Variants in ZNF880 observed in about 807,000 individuals in gnomAD.
ZNF880 encodes zinc finger protein 880.
In ZNF880, 12 loss-of-function variants were observed where a neutral mutation model predicts 11.8. The observed-to-expected ratio is 1.02, with a 90% confidence interval of 0.65 to 1.65. The LOEUF (loss-of-function observed/expected upper bound fraction) is 1.65. ZNF880 is among the 40% of genes most tolerant of loss of function. ZNF880 has a pLI of 0.00. For synonymous variants in ZNF880, 210 were observed against 232.4 expected, an observed-to-expected ratio of 0.90 and a Z score of 0.88; for missense variants, 601 against 673.9, an observed-to-expected ratio of 0.89 and a Z score of 1.20.
Position 52,373,198 on chromosome 19 carries a change from G to A in ZNF880, c.100G>A (p.Glu34Lys), listed in dbSNP as rs1355997499. The change falls in exon 2 of 4, where the codon GAA becomes AAA. Residue 34 changes from glutamate to lysine, a missense_variant. Transcript: ENST00000422689. Reference sequence around the variant, plus strand: ...CCCTGCTCAGAGGACTTTATACAGGGAAGTGATGGTGGAGAACTACAGGAA... The same window carrying A: ...CCCTGCTCAGAGGACTTTATACAGGAAAGTGATGGTGGAGAACTACAGGAA... Reference protein sequence around the residue: ...LDPAQRTLYREVMVENYRNLV... With the variant: ...LDPAQRTLYRKVMVENYRNLV... 1 of 1,613,392 alleles carries A rather than the reference G, an allele frequency of 6.2e-7. No individual in the cohort carries two copies. The highest frequency in any genetic ancestry group is 2.2e-5 in the East Asian group (1 of 44,830).
chr19:52,372,271 A>T (rs886706260), intron 1 of ZNF880, among the ~76,000 whole-genome samples: 1 of 150,820 alleles, frequency 6.6e-6, no homozygotes, highest in African/African-American at 2.5e-5. Flanking sequence ...GTTGTCCACA[A>T]AATTAGAAAT....
the ZNF880 span, among the ~76,000 whole-genome samples, chr19:52,396,121 A>ATTTTTTTTTTTTT: frequency 1.2e-4 from 14 of 120,642 alleles, no homozygotes; most frequent in African/African-American, 4.2e-4. Context: ...TGCCTGGCTA[A>ATTTTTTTTTTTTT]TTTTTTTTTT....
intron 3 of ZNF880, among the ~76,000 whole-genome samples, chr19:52,382,681 C>G (rs1017510742): frequency 3.3e-5 from 5 of 152,064 alleles, no homozygotes; most frequent in African/African-American, 1.2e-4. Flanking sequence ...TGTGACAAGT[C>G]TTTTTTGTTG....
chr19:52,383,819 T>C (rs1293565997), intron 3 of ZNF880, 30 bp from the exon 4 acceptor site: 1 of 1,497,824 alleles, frequency 6.7e-7, no homozygotes, highest in African/African-American at 1.4e-5. Flanking sequence ...TGTCATGGGT[T>C]GAAGTTCCAC....
At chr19:52,374,670 C>G in intron 3 of ZNF880, 1 of 644,408 alleles carries the variant, frequency 1.6e-6, no homozygotes, top group East Asian at 2.7e-5. Flanking sequence ...TGGGAGCTCT[C>G]TGCAAGTGAG....
At chr19:52,397,241 A>G in the ZNF880 span, 8 of 151,974 alleles carry the variant, frequency 5.3e-5, no homozygotes, top group Admixed American at 5.2e-4. Context: ...AGTCTCTGGA[A>G]TTGAGCACAG....
At position 52,373,194 on chromosome 19, in the gene ZNF880, C is replaced by G; in HGVS notation, c.96C>G (p.Tyr32Ter). The change falls in exon 2 of 4, where the codon TAC becomes TAG. Residue 32 changes from tyrosine to a stop codon, truncating the protein, a stop_gained. Transcript: ENST00000422689. LOFTEE classifies it high-confidence loss of function. The part of the protein sequence containing the change: ...KCLDPAQRTL[Y>*]REVMVENYRN... ...TGGACCCTGCTCAGAGGACTTTATACAGGGAAGTGATGGTGGAGAACTACA... is the reference window on the plus strand; with the variant it reads ...TGGACCCTGCTCAGAGGACTTTATAGAGGGAAGTGATGGTGGAGAACTACA... 1 of 1,613,226 alleles carries G rather than the reference C, an allele frequency of 6.2e-7. No homozygotes were observed. Among genetic ancestry groups the G allele is most frequent in the Non-Finnish European group, 8.5e-7 (1 of 1,179,508 alleles).
chr19:52,367,873 A>G (rs1986187867), upstream of ZNF880: 1 of 152,024 alleles, frequency 6.6e-6, no homozygotes, highest in Admixed American at 6.6e-5. Context: ...AATATGACAA[A>G]TATTAGGAAA....
At chr19:52,368,379 C>CT (rs1331937333), upstream of ZNF880, among the ~76,000 whole-genome samples, 1 of 152,130 alleles carries the variant, frequency 6.6e-6, no homozygotes, top group South Asian at 2.1e-4. Flanking sequence ...CCTCACAACT[C>CT]TTTTGGTAAT....
At chr19:52,379,523 A>T in intron 3 of ZNF880, 1 of 436,712 alleles carries the variant, frequency 2.3e-6, no homozygotes, top group South Asian at 1.6e-5. Flanking sequence ...GGCCTCCCCA[A>T]GTGCTAGGAT....
chr19:52,396,033 G>C, the ZNF880 span, among the ~76,000 whole-genome samples: 1,149 of 152,000 alleles, frequency 7.6e-3, 12 homozygotes, highest in African/African-American at 0.026. Context: ...TTGGCTTACT[G>C]CACCTCCACC....
At chr19:52,373,522 T>C (rs1241536528) in intron 2 of ZNF880, among the ~76,000 whole-genome samples, 3 of 152,186 alleles carry the variant, frequency 2.0e-5, no homozygotes, top group Non-Finnish European at 4.4e-5. Flanking sequence ...TCAAACCTTA[T>C]GACAGACTTA....
intron 3 of ZNF880, chr19:52,379,902 T>TA (rs35328388): frequency 0.34 from 51,575 of 151,740 alleles, 9,410 homozygotes; most frequent in South Asian, 0.51. Flanking sequence ...TATTTTTTTT[T>TA]TTATTATTAT....
upstream of ZNF880, among the ~76,000 whole-genome samples, chr19:52,369,077 A>T (rs891175560): frequency 2.7e-5 from 3 of 112,572 alleles, no homozygotes; most frequent in Non-Finnish European, 5.6e-5. Context: ...AAAAAAAAAA[A>T]CTTGGCCGGG....
chr19:52,371,480 A>T (rs1986370759), intron 1 of ZNF880, among the ~76,000 whole-genome samples: 1 of 151,850 alleles, frequency 6.6e-6, no homozygotes, highest in Non-Finnish European at 1.5e-5. Flanking sequence ...GGTTCAAGTG[A>T]TTGTCCTGCC....
Position 52,374,804 on chromosome 19 carries a change from G to A in ZNF880, c.268+377G>A, listed in dbSNP as rs375367294. The stretch of plus-strand genomic sequence containing the variant: ...GCTGGAGTGTAGTGGTGGTGTGATC[G>A]TAGCCCGTGTACCCTCAGTCTTTGG... On this transcript the variant is annotated intron_variant, in intron 3 of 3. Coordinates refer to ENST00000422689, the MANE Select transcript of ZNF880 (RefSeq NM_001145434.2). The A allele has an allele frequency of 1.5e-4, 73 of 476,846 alleles. 1 individual carries two copies. The highest frequency in any genetic ancestry group is 1.2e-3 in the South Asian group (52 of 43,756). The allele number at this position is 476,846 out of a possible 1,614,324, so 29.5% of individuals were successfully genotyped here.
At chr19:52,370,093 G>T in intron 1 of ZNF880, 116 bp downstream of exon 1, 1 of 1,340,888 alleles carries the variant, frequency 7.5e-7, no homozygotes, top group Non-Finnish European at 1.0e-6. Flanking sequence ...CCTCCACCCC[G>T]ACTAAACTCA....
the ZNF880 span, among the ~76,000 whole-genome samples, chr19:52,396,121 A>ATTTT: frequency 4.1e-3 from 500 of 120,584 alleles, 6 homozygotes; most frequent in African/African-American, 0.015. Context: ...TGCCTGGCTA[A>ATTTT]TTTTTTTTTT....
At chr19:52,392,308 T>C in the ZNF880 span, among the ~76,000 whole-genome samples, 2 of 150,230 alleles carry the variant, frequency 1.3e-5, no homozygotes, top group Non-Finnish European at 3.0e-5. Flanking sequence ...CTCTCTTTCT[T>C]TTCTTTCACT....
Sources: allele counts gnomAD v4.1 joint callset (sites outside exome capture counted in the v4.1 genomes callset), GRCh38; gene constraint gnomAD v4.1.1; transcripts MANE v1.5; gene names NCBI Gene and HGNC (gene_info 2026-07-23, HGNC 2026-07-21).